Variants in ZNF516 observed in about 807,000 individuals in gnomAD.
The protein encoded by ZNF516 is zinc finger protein 516.
ZNF516 carries 19 observed loss-of-function variants against 79.7 expected under a neutral mutation model. The ratio of observed to expected loss-of-function variants is 0.24; its 90% confidence interval spans 0.17 to 0.35. The LOEUF is 0.35. Ranked by LOEUF, ZNF516 falls within the 10% of genes least tolerant of loss-of-function variation. The pLI is 1.00. For missense variants in ZNF516, 1,678 were observed against 1,679.5 expected (o/e 1.00, Z 0.02); for synonymous variants, 877 against 739.5 (o/e 1.19, Z -3.02).
In ZNF516 at chr18:76,358,182, T is replaced by TA. The variant is rs1379949586; in HGVS notation, c.*4315dup. On this transcript the variant is annotated 3_prime_UTR_variant, in exon 7 of 7. Transcript: ENST00000443185. ...CCTCTGAAATTGGGGAAAAATGTCT[T>TA]ACAAATCTCAGAACTCCAAGATGTT... The TA allele has an allele frequency of 1.3e-5, 2 of 152,362 alleles. No homozygotes were observed. Among genetic ancestry groups the TA allele is most frequent in the Non-Finnish European group, 2.9e-5 (2 of 68,032 alleles). 9.4% of individuals were successfully genotyped at this position (152,362 alleles called of 1,614,324 possible).
At chr18:76,407,567 C>T (rs1172643941) in intron 3 of ZNF516, among the ~76,000 whole-genome samples, 1 of 152,210 alleles carries the variant, frequency 6.6e-6, no homozygotes, top group Non-Finnish European at 1.5e-5. Flanking sequence ...ACAGACAACA[C>T]CGCCCTCTGA....
At chr18:76,390,734 G>A (rs1310800311) in intron 3 of ZNF516, among the ~76,000 whole-genome samples, 1 of 152,168 alleles carries the variant, frequency 6.6e-6, no homozygotes, top group Non-Finnish European at 1.5e-5. Context: ...AACTCAGCCT[G>A]AGCACTGCAT....
At position 76,380,260 on chromosome 18, in the gene ZNF516, C is replaced by A; in HGVS notation, c.1854G>T (p.Ser618=). The part of the protein sequence containing the change: ...RRCCFSEEVT[S]TELSSGDQSH... ...TCTGGTCTCCACTGGAGAGCTCGGTCGAAGTCACCTCTTCGGAAAAGCAGC... is the reference window on the plus strand; with the variant it reads ...TCTGGTCTCCACTGGAGAGCTCGGTAGAAGTCACCTCTTCGGAAAAGCAGC... Residue 618 remains serine, a synonymous_variant, in exon 4 of 7, where the codon TCG becomes TCT. Transcript: ENST00000443185. 3 of 1,613,748 alleles carry A rather than the reference C, an allele frequency of 1.9e-6. No homozygotes were observed. In the South Asian group the frequency reaches 3.3e-5, roughly 18 times the overall value.
Position 76,409,233 on chromosome 18 carries a change from A to C in ZNF516, c.1811-28930T>G, listed in dbSNP as rs190532782. Among the ~76,000 whole-genome samples, 254 of 152,352 alleles carry C rather than the reference A, an allele frequency of 1.7e-3. 3 individuals are homozygous for C. The highest frequency in any genetic ancestry group is 5.9e-3 in the African/African-American group (245 of 41,578). On this transcript the variant is annotated intron_variant, in intron 3 of 6. Coordinates refer to ENST00000443185, the MANE Select transcript of ZNF516 (RefSeq NM_014643.4). ...TCCTCTGCACAGATATGTTTTGTAC[A>C]TTTATAGAAACTCTATTTTTATACA...
At chr18:76,440,772 G>GCGCA in intron 3 of ZNF516, among the ~76,000 whole-genome samples, 1 of 152,170 alleles carries the variant, frequency 6.6e-6, no homozygotes, top group African/African-American at 2.4e-5. Context: ...GCGCGCACGC[G>GCGCA]CGCATGCATC....
intron 3 of ZNF516, among the ~76,000 whole-genome samples, chr18:76,431,478 G>GGTC (rs2075660211): frequency 6.6e-6 from 1 of 152,232 alleles, no homozygotes; most frequent in African/African-American, 2.4e-5. Context: ...TGCTCTGGAA[G>GGTC]GTCCTGTGCC....
chr18:76,371,648 G>A, intron 4 of ZNF516, 77 bp from the exon 5 acceptor site: 1 of 1,132,612 alleles, frequency 8.8e-7, no homozygotes, highest in East Asian at 2.5e-5. Context: ...AGAGCGAGGG[G>A]GAAGCGAGAG....
intron 3 of ZNF516, among the ~76,000 whole-genome samples, chr18:76,420,708 G>A (rs1228428143): frequency 6.6e-6 from 1 of 151,898 alleles, no homozygotes; most frequent in Non-Finnish European, 1.5e-5. Flanking sequence ...GCTGGGGAGG[G>A]GTTACACCTC....
Position 76,441,890 on chromosome 18 carries a change from G to A in ZNF516, c.1165C>T (p.Leu389=). ...TKQFFLQCLN[L]RPSAAGDSCP... is the part of the protein sequence containing the mutation. The stretch of plus-strand genomic sequence containing the variant: ...GAGTCGCCGGCCGCCGACGGCCTCA[G>A]GTTCAGGCACTGGAGGAAGAACTGC... The change falls in exon 3 of 7, where the codon CTG becomes TTG. Residue 389 remains leucine (L), a synonymous_variant. Coordinates refer to ENST00000443185, the MANE Select transcript of ZNF516 (RefSeq NM_014643.4). 3.1e-6 allele frequency: 5 copies of A among 1,597,286 alleles called. No homozygotes were observed. Among genetic ancestry groups the A allele is most frequent in the Non-Finnish European group, 4.3e-6 (5 of 1,176,396 alleles).
intron 1 of ZNF516, chr18:76,491,570 G>A (rs1485831478): frequency 3.3e-5 from 5 of 152,152 alleles, no homozygotes; most frequent in Non-Finnish European, 7.2e-5. Context: ...CGGGCGCCGG[G>A]GGGCGGGGGC....
intron 2 of ZNF516, among the ~76,000 whole-genome samples, chr18:76,457,833 G>A (rs1371572133): frequency 6.6e-6 from 1 of 152,218 alleles, no homozygotes; most frequent in Non-Finnish European, 1.5e-5. Flanking sequence ...GGTTCCCTTT[G>A]TAAGAACATG....
intron 1 of ZNF516, chr18:76,491,136 G>C (rs1676919405): frequency 1.0e-6 from 1 of 977,300 alleles, no homozygotes; most frequent in Non-Finnish European, 1.2e-6. Flanking sequence ...ACAAAGTGAA[G>C]TTTAAAATAG....
upstream of ZNF516, chr18:76,496,360 C>G (rs1915484530): frequency 3.1e-6 from 4 of 1,289,618 alleles, no homozygotes. Flanking sequence ...CAACGTGGCT[C>G]CGCGTAGCAA....
At chr18:76,448,375 A>G (rs947462008) in intron 2 of ZNF516, among the ~76,000 whole-genome samples, 2 of 152,210 alleles carry the variant, frequency 1.3e-5, no homozygotes, top group Non-Finnish European at 2.9e-5. Flanking sequence ...CCCTTCTGTA[A>G]GTGAGGAAGA....
chr18:76,491,067 G>A, intron 1 of ZNF516: 2 of 985,354 alleles, frequency 2.0e-6, no homozygotes, highest in African/African-American at 1.7e-5. Context: ...GTTCAGGTGT[G>A]AACACTTATG....
At chr18:76,428,405 AAAAAG>A (rs1463662073) in intron 3 of ZNF516, among the ~76,000 whole-genome samples, 3 of 151,534 alleles carry the variant, frequency 2.0e-5, no homozygotes, top group Non-Finnish European at 4.4e-5. Flanking sequence ...AAAAAAAAAA[AAAAAG>A]AAAGAAATCC....
Position 76,408,645 on chromosome 18 carries a change from G to A in ZNF516, c.1811-28342C>T, listed in dbSNP as rs552259644. 5.3e-5 allele frequency among the ~76,000 whole-genome samples: 8 copies of A among 152,284 alleles called. No individual in the cohort carries two copies. The East Asian group carries it at 1.5e-3, about 29-fold the overall frequency. ...GGCACCCTAACACCAAGAAGAACAT[G>A]ACCGCTAACGACAGAAAGAGGCGTA... On this transcript the variant is annotated intron_variant, in intron 3 of 6. Coordinates refer to ENST00000443185, the MANE Select transcript of ZNF516 (RefSeq NM_014643.4).
chr18:76,426,701 A>AC (rs1301853497), intron 3 of ZNF516, among the ~76,000 whole-genome samples: 1 of 152,228 alleles, frequency 6.6e-6, no homozygotes, highest in African/African-American at 2.4e-5. Context: ...CGATGTCAAC[A>AC]CATACGCATG....
At chr18:76,433,972 A>T (rs2075697236) in intron 3 of ZNF516, among the ~76,000 whole-genome samples, 1 of 151,992 alleles carries the variant, frequency 6.6e-6, no homozygotes, top group African/African-American at 2.4e-5. Context: ...CGCGACCGCC[A>T]GCACCTTTTC....
Sources: allele counts gnomAD v4.1 joint callset (sites outside exome capture counted in the v4.1 genomes callset), GRCh38; gene constraint gnomAD v4.1.1; transcripts MANE v1.5; gene names NCBI Gene and HGNC (gene_info 2026-07-23, HGNC 2026-07-21).